The following ACYP2 variants were observed in gnomAD, a reference collection of about 807,000 sequenced individuals.
ACYP2 encodes the protein acylphosphatase 2.
In ACYP2, 12 loss-of-function variants were observed where a neutral mutation model predicts 11.2. That is an observed-to-expected ratio of 1.08 (90% confidence interval 0.69 to 1.74). ACYP2 has a LOEUF of 1.74. ACYP2 is among the 40% of genes most tolerant of loss of function. The pLI, the probability that ACYP2 is intolerant of heterozygous loss-of-function variation, is 0.00. For synonymous variants in ACYP2, 43 were observed against 32.2 expected, an observed-to-expected ratio of 1.33 and a Z score of -1.13; for missense variants, 134 against 101.9, an observed-to-expected ratio of 1.31 and a Z score of -1.35.
chr2:54,096,864 GA>G (rs1678622179), intron 4 of ACYP2, among the ~76,000 whole-genome samples: 1 of 152,098 alleles, frequency 6.6e-6, no homozygotes, highest in East Asian at 1.9e-4. Flanking sequence ...GGGAGAGGGG[GA>G]GGGGGAGCTA....
At chr2:54,089,358 A>G (rs1351257902) in intron 4 of ACYP2, among the ~76,000 whole-genome samples, 1 of 152,044 alleles carries the variant, frequency 6.6e-6, no homozygotes, top group Non-Finnish European at 1.5e-5. Context: ...TTGTGAGGCC[A>G]AGACAGGAGA....
chr2:54,211,598 T>C (rs1685332817), intron 6 of ACYP2, among the ~76,000 whole-genome samples: 1 of 152,210 alleles, frequency 6.6e-6, no homozygotes, highest in Non-Finnish European at 1.5e-5. Context: ...TGTTTGAGCA[T>C]ATAATTTTTA....
At chr2:54,174,431 C>A (rs1385061108) in intron 6 of ACYP2, among the ~76,000 whole-genome samples, 2 of 152,084 alleles carry the variant, frequency 1.3e-5, no homozygotes, top group African/African-American at 2.4e-5. Context: ...TGGGCTGAGA[C>A]GATGGGGTTT....
intron 6 of ACYP2, among the ~76,000 whole-genome samples, chr2:54,151,031 G>A (rs1248367343): frequency 2.0e-5 from 3 of 152,158 alleles, no homozygotes; most frequent in Non-Finnish European, 2.9e-5. Context: ...GTGAGCCACC[G>A]CGCCCGGCAG....
chr2:54,047,578 G>T (rs547022690), intron 2 of ACYP2, among the ~76,000 whole-genome samples: 1 of 152,162 alleles, frequency 6.6e-6, no homozygotes, highest in South Asian at 2.1e-4. Context: ...TGATTGTATT[G>T]TATTAGAATA....
chr2:54,299,819 C>G (rs1453124351), intron 6 of ACYP2, among the ~76,000 whole-genome samples: 1 of 152,168 alleles, frequency 6.6e-6, no homozygotes, highest in African/African-American at 2.4e-5. Flanking sequence ...GGTTTGGACC[C>G]TGCTTGCAGG....
intron 6 of ACYP2, among the ~76,000 whole-genome samples, chr2:54,231,323 C>T (rs1439023972): frequency 1.3e-5 from 2 of 152,020 alleles, no homozygotes; most frequent in Non-Finnish European, 2.9e-5. Context: ...TGACTCTTTT[C>T]GTCAATATTA....
intron 6 of ACYP2, among the ~76,000 whole-genome samples, chr2:54,243,705 G>A (rs757018566): frequency 1.3e-4 from 20 of 152,080 alleles, no homozygotes; most frequent in Non-Finnish European, 2.4e-4. Flanking sequence ...AAGTACCTGG[G>A]ATTACAGATG....
At chr2:54,236,811 A>G (rs115051277) in intron 6 of ACYP2, among the ~76,000 whole-genome samples, 10 of 152,152 alleles carry the variant, frequency 6.6e-5, no homozygotes, top group Admixed American at 2.0e-4. Context: ...TGTTTTGTCA[A>G]TGTTGTTTAA....
chr2:54,141,983 TTGTGTGTGTGTGTGTG>T, intron 6 of ACYP2: 1 of 458,868 alleles, frequency 2.2e-6, no homozygotes, highest in Non-Finnish European at 3.9e-6. Context: ...GCTGGCTAAT[TTGTGTGTGTGTGTGTG>T]TGTGTGTGTG....
At chr2:54,267,330 G>A in intron 6 of ACYP2, 2 of 1,548,924 alleles carry the variant, frequency 1.3e-6, no homozygotes, top group East Asian at 4.9e-5. Context: ...GTGAAGAAAA[G>A]AAACAAGATA....
intron 2 of ACYP2, chr2:54,030,688 C>T (rs993358749): frequency 5.3e-5 from 10 of 188,812 alleles, no homozygotes; most frequent in Non-Finnish European, 9.3e-5. Context: ...GTTATTTTGG[C>T]GAATTACTGG....
At chr2:54,200,519 T>A (rs1684710044) in intron 6 of ACYP2, among the ~76,000 whole-genome samples, 1 of 152,214 alleles carries the variant, frequency 6.6e-6, no homozygotes, top group Non-Finnish European at 1.5e-5. Flanking sequence ...ATGCAATATA[T>A]GCCCTTTGGT....
chr2:54,127,756 A>G (rs1407000519), intron 4 of ACYP2, among the ~76,000 whole-genome samples: 4 of 136,558 alleles, frequency 2.9e-5, no homozygotes, highest in African/African-American at 1.1e-4. Context: ...GTCTCAAAAA[A>G]AAAAAAAAAA....
At chr2:54,025,924 C>G (rs1280979400) in intron 2 of ACYP2, among the ~76,000 whole-genome samples, 1 of 152,142 alleles carries the variant, frequency 6.6e-6, no homozygotes, top group Non-Finnish European at 1.5e-5. Flanking sequence ...TGAGAGCAGC[C>G]TGGCCAACAT....
At chr2:54,232,435 A>T (rs1686275542) in intron 6 of ACYP2, among the ~76,000 whole-genome samples, 1 of 152,126 alleles carries the variant, frequency 6.6e-6, no homozygotes, top group Non-Finnish European at 1.5e-5. Context: ...GAGTCAATCA[A>T]CGGACAAGAG....
chr2:54,155,766 T>C (rs1313269455), intron 6 of ACYP2, among the ~76,000 whole-genome samples: 1 of 152,200 alleles, frequency 6.6e-6, no homozygotes, highest in Non-Finnish European at 1.5e-5. Flanking sequence ...ATGTGTTGTG[T>C]TTTCATTTTT....
At chr2:54,062,055 C>G (rs1229414709) in intron 4 of ACYP2, among the ~76,000 whole-genome samples, 1 of 152,134 alleles carries the variant, frequency 6.6e-6, no homozygotes, top group African/African-American at 2.4e-5. Flanking sequence ...CTCTGAATTC[C>G]ATTTCAGGAA....
chr2:54,026,916 GA>G (rs1246045321), intron 2 of ACYP2, among the ~76,000 whole-genome samples: 1 of 150,066 alleles, frequency 6.7e-6, no homozygotes, highest in Non-Finnish European at 1.5e-5. Flanking sequence ...GGAAGGGTGG[GA>G]GGGGAGCGAG....
Sources: gnomAD v4.1 joint callset for allele counts (sites outside exome capture counted in the v4.1 genomes callset) on GRCh38, gnomAD v4.1.1 for gene constraint, MANE v1.5 for transcripts, NCBI Gene and HGNC (gene_info 2026-07-23, HGNC 2026-07-21) for gene names.